The following BANF2 variants were observed in gnomAD, a reference collection of about 807,000 sequenced individuals.
BANF2 encodes the protein BANF family member 2.
In BANF2, 4 loss-of-function variants were observed where a neutral mutation model predicts 8.0. The observed-to-expected ratio is 0.50, with a 90% CI of 0.25 to 1.14. The LOEUF (loss-of-function observed/expected upper bound fraction) is 1.14, where lower values mean the gene tolerates loss of function less well. Ranked by LOEUF, BANF2 falls within the 50% of genes most tolerant of loss-of-function variation. The pLI is 0.16. For missense variants in BANF2, 96 were observed against 107.5 expected (o/e 0.89, Z 0.47); for synonymous variants, 50 against 40.6 (o/e 1.23, Z -0.88).
chr20:17,724,895 A>G (rs908312902), intron 2 of BANF2, 128 bp from the exon 3 acceptor site: 5 of 970,788 alleles, frequency 5.2e-6, no homozygotes, highest in African/African-American at 3.3e-5. Flanking sequence ...GAAATGCTGG[A>G]TGATGGAAGG....
At position 17,708,697 on chromosome 20, in the gene BANF2, C is replaced by G. The variant is rs181650255; in HGVS notation, c.-167+8642C>G. On this transcript the variant is annotated intron_variant, in intron 1 of 3. Transcript: ENST00000246090. ...GTCCCTCTGGCTTTTTCATTTGCAA[C>G]CCGTGATTTGAACTTTTAATAGATG... 2.0e-3 allele frequency among the ~76,000 whole-genome samples: 298 copies of G among 152,216 alleles called. 3 individuals carry two copies. Among genetic ancestry groups the G allele is most frequent in the Admixed American group, 1.1e-3 (17 of 15,280 alleles).
At chr20:17,713,209 G>A (rs944379017) in intron 1 of BANF2, among the ~76,000 whole-genome samples, 3 of 152,006 alleles carry the variant, frequency 2.0e-5, no homozygotes, top group African/African-American at 7.3e-5. Flanking sequence ...AGTGAGCTAT[G>A]ATTGCACTCC....
chr20:17,695,785 G>A (rs1310851097), upstream of BANF2, among the ~76,000 whole-genome samples: 2 of 152,136 alleles, frequency 1.3e-5, no homozygotes, highest in African/African-American at 4.8e-5. Context: ...TAGAGATCTG[G>A]AATATTCCCT....
chr20:17,707,068 G>T (rs2037491126), intron 1 of BANF2, among the ~76,000 whole-genome samples: 1 of 152,168 alleles, frequency 6.6e-6, no homozygotes, highest in African/African-American at 2.4e-5. Flanking sequence ...GGAAATCAAA[G>T]CTTCACCAGG....
At chr20:17,732,069 A>G (rs978766462) in intron 3 of BANF2, among the ~76,000 whole-genome samples, 1 of 152,014 alleles carries the variant, frequency 6.6e-6, no homozygotes, top group Non-Finnish European at 1.5e-5. Flanking sequence ...TCGTCAAAAA[A>G]AAAAAAGAAA....
chr20:17,735,517 C>A, intron 3 of BANF2, 148 bp from the exon 4 acceptor site: 1 of 923,526 alleles, frequency 1.1e-6, no homozygotes, highest in Non-Finnish European at 1.6e-6. Context: ...CATGTCAGGG[C>A]TTCAAGGACT....
upstream of BANF2, among the ~76,000 whole-genome samples, chr20:17,698,265 C>A (rs2037367699): frequency 6.6e-6 from 1 of 152,018 alleles, no homozygotes. Context: ...TTGCCTTGTT[C>A]CCACTCTTGC....
At chr20:17,730,662 G>A (rs1281729680) in intron 3 of BANF2, among the ~76,000 whole-genome samples, 2 of 152,182 alleles carry the variant, frequency 1.3e-5, no homozygotes, top group African/African-American at 4.8e-5. Context: ...GGACAGGAGC[G>A]AGACTGAGTT....
intron 1 of BANF2, among the ~76,000 whole-genome samples, chr20:17,694,620 T>A (rs2037329944): frequency 2.4e-5 from 3 of 122,800 alleles, no homozygotes. Context: ...TTTTTTTTTT[T>A]TTTTTTTTTT....
chr20:17,734,942 C>T (rs567767313), intron 3 of BANF2, among the ~76,000 whole-genome samples: 65 of 152,160 alleles, frequency 4.3e-4, no homozygotes, highest in African/African-American at 1.5e-3. Context: ...TGAAAATTAG[C>T]CAGGCATGGT....
chr20:17,708,240 A>G (rs1248287270), intron 1 of BANF2, among the ~76,000 whole-genome samples: 1 of 152,002 alleles, frequency 6.6e-6, no homozygotes, highest in Non-Finnish European at 1.5e-5. Context: ...AAACAAAAAC[A>G]AACAGAAAAA....
intron 1 of BANF2, chr20:17,712,596 C>G: frequency 1.1e-6 from 1 of 928,582 alleles, no homozygotes; most frequent in Non-Finnish European, 1.3e-6. Flanking sequence ...TCTCTTCCAC[C>G]TTCCCTGGGA....
intron 3 of BANF2, among the ~76,000 whole-genome samples, chr20:17,733,620 A>C (rs919345935): frequency 6.6e-6 from 1 of 152,200 alleles, no homozygotes; most frequent in African/African-American, 2.4e-5. Context: ...ATTTTTCAAA[A>C]ACATTAATTT....
chr20:17,708,595 G>A (rs1220624070), intron 1 of BANF2, among the ~76,000 whole-genome samples: 1 of 152,144 alleles, frequency 6.6e-6, no homozygotes, highest in African/African-American at 2.4e-5. Flanking sequence ...CCTCCTCAGT[G>A]GATGTCCAAT....
intron 1 of BANF2, among the ~76,000 whole-genome samples, chr20:17,705,288 T>C (rs2037466926): frequency 6.6e-6 from 1 of 152,144 alleles, no homozygotes; most frequent in African/African-American, 2.4e-5. Flanking sequence ...AGCTAAAAAA[T>C]TGTCCCAATT....
intron 1 of BANF2, among the ~76,000 whole-genome samples, chr20:17,705,890 T>G (rs563228797): frequency 1.3e-5 from 2 of 152,360 alleles, no homozygotes; most frequent in East Asian, 3.9e-4. Context: ...GTCTGTGTGT[T>G]TTCCTTTCTC....
chr20:17,731,759 G>GGA (rs1491151542), intron 3 of BANF2, among the ~76,000 whole-genome samples: 4 of 95,060 alleles, frequency 4.2e-5, no homozygotes, highest in African/African-American at 1.3e-4. Flanking sequence ...CGTCTCTTAG[G>GGA]AAAAAAAAAA....
At chr20:17,717,781 G>A (rs958815792) in intron 1 of BANF2, among the ~76,000 whole-genome samples, 3 of 152,126 alleles carry the variant, frequency 2.0e-5, no homozygotes, top group African/African-American at 7.2e-5. Flanking sequence ...AGATTCCCCT[G>A]CCCAACCCCT....
At chr20:17,728,366 C>T (rs2037840931) in intron 3 of BANF2, among the ~76,000 whole-genome samples, 1 of 152,176 alleles carries the variant, frequency 6.6e-6, no homozygotes, top group African/African-American at 2.4e-5. Flanking sequence ...ACTCAGCCAT[C>T]GGCTCTCTCT....
Sources: gnomAD v4.1 joint callset for allele counts (sites outside exome capture counted in the v4.1 genomes callset) on GRCh38, gnomAD v4.1.1 for gene constraint, MANE v1.5 for transcripts, NCBI Gene and HGNC (gene_info 2026-07-23, HGNC 2026-07-21) for gene names.